PITRM1: variants seen among roughly 807,000 people sequenced by gnomAD.
The protein encoded by PITRM1 is pitrilysin metallopeptidase 1.
A neutral mutation model predicts 129.9 loss-of-function variants in PITRM1; 100 were observed. The observed-to-expected ratio is 0.77, with a 90% CI of 0.65 to 0.91. The LOEUF is 0.91. Ranked by LOEUF, PITRM1 falls within the 40% of genes least tolerant of loss-of-function variation. The probability of loss-of-function intolerance (pLI) is 0.00; values close to 1 mark genes in which losing one functional copy is unlikely to be tolerated. For missense variants in PITRM1, 1,471 were observed against 1,318.3 expected, an observed-to-expected ratio of 1.12 and a Z score of -1.79; for synonymous variants, 591 against 508.8, an observed-to-expected ratio of 1.16 and a Z score of -2.17.
Position 3,137,826 on chromosome 10 carries a change from T to C in PITRM1, c.*205A>G, listed in dbSNP as rs1839687823. The C allele has an allele frequency of 3.5e-6, 2 of 566,278 alleles. No individual in the cohort carries two copies. Among genetic ancestry groups the C allele is most frequent in the Non-Finnish European group, 6.3e-6 (2 of 316,196 alleles). 35.1% of individuals were successfully genotyped at this position (566,278 alleles called of 1,614,324 possible). A position where few individuals can be genotyped will look rare whatever the true frequency, so the allele number is the denominator to read the frequency against. On this transcript the variant is annotated 3_prime_UTR_variant, in exon 27 of 27. Transcript: ENST00000224949. Reference sequence around the variant, plus strand: ...AAGTGAAAATTCTACATGGTGCATCTTTGGCGCTTCATGCATGATTATTTC... The same window carrying C: ...AAGTGAAAATTCTACATGGTGCATCCTTGGCGCTTCATGCATGATTATTTC...
intron 23 of PITRM1, chr10:3,143,131 C>A: frequency 2.1e-6 from 1 of 483,862 alleles, no homozygotes; most frequent in Non-Finnish European, 3.8e-6. Flanking sequence ...TGTTTAAGGT[C>A]ATAGGTATCT....
rs896536871 is a variant in PITRM1 at position 3,138,051 on chromosome 10, G to T, written c.3094C>A (p.Pro1032Thr). 6 of 1,607,192 alleles carry T rather than the reference G, an allele frequency of 3.7e-6. No individual in the cohort carries two copies. The highest frequency in any genetic ancestry group is 5.1e-6 in the Non-Finnish European group (6 of 1,176,786). ...GPENPKIAKD[P>T]SWIIQ ...GCTGCTCATTGGATGATCCAGGATG[G>T]GTCCTTGGCAATTTTCGGGTTCTCG... The change falls in exon 27 of 27, where the codon CCA becomes ACA. Residue 1032 changes from proline (P) to threonine (T), a missense_variant. Transcript: ENST00000224949.
chr10:3,143,439 G>A lies in PITRM1; in HGVS notation c.2595C>T (p.Tyr865=), dbSNP rs1010699643. Residue 865 remains tyrosine (Y), a synonymous_variant, in exon 23 of 27, where the codon TAC becomes TAT. Transcript: ENST00000224949. The stretch of plus-strand genomic sequence containing the variant: ...GGACAGTTCGGATGCATTCACCCAC[G>A]TAATTCACCGGGAAGGGCATCAGGA... ...THFLMPFPVN[Y]VGECIRTVPY... The A allele has an allele frequency of 3.0e-5, 49 of 1,613,684 alleles. No homozygotes were observed. Among genetic ancestry groups the A allele is most frequent in the Admixed American group, 1.0e-4 (6 of 60,010 alleles).
intron 22 of PITRM1, chr10:3,144,050 A>C: frequency 1.7e-6 from 1 of 581,596 alleles, no homozygotes; most frequent in South Asian, 2.1e-5. Context: ...GGGAAGACGC[A>C]CCCCATACCA....
In PITRM1 at chr10:3,163,762, G is replaced by C. The variant is rs542423986; in HGVS notation, c.754C>G (p.Gln252Glu). Residue 252 changes from glutamine (Q) to glutamate (E), a missense_variant, in exon 7 of 27, where the codon CAG becomes GAG. Transcript: ENST00000224949. ...GGGTGATAGTGAGTGGCATGAAACT[G>C]CTTAAGCTGCTCCCATGTAAGCTCC... Reference protein sequence around the residue: ...IPELTWEQLKQFHATHYHPSN... With the variant: ...IPELTWEQLKEFHATHYHPSN... 7.4e-6 allele frequency: 12 copies of C among 1,612,828 alleles called. No homozygotes were observed. Among genetic ancestry groups the C allele is most frequent in the Non-Finnish European group, 9.3e-6 (11 of 1,179,462 alleles).
intron 16 of PITRM1, 86 bp downstream of exon 16, chr10:3,149,535 G>A (rs1841282088): frequency 3.8e-6 from 5 of 1,314,190 alleles, no homozygotes; most frequent in Non-Finnish European, 5.2e-6. Context: ...ATTCACTGAA[G>A]GTAATTCCTA....
At chr10:3,165,188 T>C (rs1842755904) in intron 6 of PITRM1, 50 bp downstream of exon 6, 2 of 1,246,138 alleles carry the variant, frequency 1.6e-6, no homozygotes, top group Non-Finnish European at 2.2e-6. Flanking sequence ...CATGATATTG[T>C]ACATGGGAAA....
intron 1 of PITRM1, among the ~76,000 whole-genome samples, chr10:3,171,180 A>C (rs963008454): frequency 2.8e-5 from 4 of 144,730 alleles, no homozygotes; most frequent in African/African-American, 7.6e-5. Flanking sequence ...AAAAAAAAAA[A>C]AAAACCTTAC....
chr10:3,147,806 T>G, intron 18 of PITRM1, 69 bp from the exon 19 acceptor site: 2 of 1,424,812 alleles, frequency 1.4e-6, no homozygotes, highest in African/African-American at 1.4e-5. Context: ...TCATGGAAAG[T>G]TGATTAAGTT....
rs1179728054 is a variant in PITRM1, at chr10:3,166,252, G to C, written c.395C>G (p.Ser132Cys). The change falls in exon 4 of 27, where the codon TCC becomes TGC. Residue 132 changes from serine to cysteine, a missense_variant. By Grantham distance (112) the Ser-to-Cys change is moderately radical. Transcript: ENST00000224949. ...ACCTGTGAAGGCGTTCATGAACGTGGAGAGGGACCGGTTCAACATTTTGAA... is the reference window on the plus strand; with the variant it reads ...ACCTGTGAAGGCGTTCATGAACGTGCAGAGGGACCGGTTCAACATTTTGAA... Reference protein sequence around the residue: ...PFFKMLNRSLSTFMNAFTASD... With the variant: ...PFFKMLNRSLCTFMNAFTASD... 1 of 1,612,966 alleles carries C rather than the reference G, an allele frequency of 6.2e-7. No homozygotes were observed. The highest frequency in any genetic ancestry group is 2.2e-5 in the East Asian group (1 of 44,848).
At chr10:3,143,974 C>T (rs1040168684) in intron 22 of PITRM1, 21 of 530,246 alleles carry the variant, frequency 4.0e-5, no homozygotes, top group Middle Eastern at 1.0e-3. Context: ...TCGGGAGCTA[C>T]GTTCAAAGAA....
chr10:3,160,426 C>A, intron 7 of PITRM1, 96 bp from the exon 8 acceptor site: 1 of 1,012,272 alleles, frequency 9.9e-7, no homozygotes, highest in African/African-American at 1.6e-5. Context: ...AGGAGTGCCC[C>A]TTACCCAAGG....
intron 14 of PITRM1, among the ~76,000 whole-genome samples, chr10:3,153,277 T>C (rs186483332): frequency 6.6e-6 from 1 of 152,344 alleles, no homozygotes; most frequent in East Asian, 1.9e-4. Flanking sequence ...GCCACGAATA[T>C]GAAGTAATTT....
chr10:3,168,940 AC>A, intron 2 of PITRM1, among the ~76,000 whole-genome samples: 2 of 69,632 alleles, frequency 2.9e-5, no homozygotes, highest in South Asian at 5.1e-4. Flanking sequence ...ACACACACAC[AC>A]ACACACACAC....
intron 2 of PITRM1, among the ~76,000 whole-genome samples, chr10:3,168,962 AC>A (rs1843118115): frequency 9.9e-6 from 1 of 100,904 alleles, no homozygotes; most frequent in South Asian, 3.4e-4. Flanking sequence ...ACACACACAC[AC>A]ACAATTAGCC....
At position 3,156,866 on chromosome 10, in the gene PITRM1, ATTCCT is replaced by A; in HGVS notation, c.1482+59_1482+63del. On this transcript the variant is annotated intron_variant, in intron 13 of 26. Coordinates refer to ENST00000224949, the MANE Select transcript of PITRM1 (RefSeq NM_014889.4). ...TAAATGTATAGATTATGTTCCTAATATTCCTTTCATTAGTATAAAATTCAACTTCA... is the reference window on the plus strand; with the variant it reads ...TAAATGTATAGATTATGTTCCTAATATTCATTAGTATAAAATTCAACTTCA... 4 of 1,065,878 alleles carry A rather than the reference ATTCCT, an allele frequency of 3.8e-6. 1 individual carries two copies. In the South Asian group the frequency reaches 6.0e-5, roughly 16 times the overall value. 66.0% of individuals were successfully genotyped at this position (1,065,878 alleles called of 1,614,324 possible).
intron 7 of PITRM1, 26 bp downstream of exon 7, chr10:3,163,699 A>G (rs780941358): frequency 2.5e-6 from 4 of 1,575,166 alleles, no homozygotes; most frequent in South Asian, 2.3e-5. Flanking sequence ...ACAATCCACC[A>G]TCAAACTTTT....
At chr10:3,151,396 G>C in intron 14 of PITRM1, 33 bp from the exon 15 acceptor site, 1 of 1,271,810 alleles carries the variant, frequency 7.9e-7, no homozygotes, top group Non-Finnish European at 1.1e-6. Context: ...GAATATTCAG[G>C]GCCATAATTA....
chr10:3,163,803 T>G lies in PITRM1; in HGVS notation c.713A>C (p.Asp238Ala), dbSNP rs1172685273. The change falls in exon 7 of 27, where the codon GAC (aspartate) becomes GCC (alanine). Residue 238 changes from aspartate (D) to alanine (A), a missense_variant. Physicochemically the swap from Asp to Ala is moderately radical, Grantham distance 126. Transcript: ENST00000224949. ...DHTYSVVSGG[D>A]PLCIPELTWE... ...TGTAAGCTCCGGGATGCACAGTGGG[T>G]CACCCCCGGAGACCACTGAGTACGT... 1 of 1,613,094 alleles carries G rather than the reference T, an allele frequency of 6.2e-7. No homozygotes were observed. Among genetic ancestry groups the G allele is most frequent in the Non-Finnish European group, 8.5e-7 (1 of 1,179,348 alleles).
Sources: allele counts gnomAD v4.1 joint callset (sites outside exome capture counted in the v4.1 genomes callset), GRCh38; gene constraint gnomAD v4.1.1; transcripts MANE v1.5; gene names NCBI Gene and HGNC (gene_info 2026-07-23, HGNC 2026-07-21).